FRMD5: variants seen among roughly 807,000 people sequenced by gnomAD.
FRMD5 encodes FERM domain containing 5, also known as FERM domain-containing protein 5.
A neutral mutation model predicts 69.0 loss-of-function variants in FRMD5; 20 were observed. That is an observed-to-expected ratio of 0.29 (90% CI 0.20 to 0.42). The LOEUF (loss-of-function observed/expected upper bound fraction) is 0.42, where lower values mean the gene tolerates loss of function less well. FRMD5 is among the 10% of genes least tolerant of loss of function. The pLI is 1.00. For missense variants in FRMD5, 595 were observed against 708.6 expected, an observed-to-expected ratio of 0.84 and a Z score of 1.82; for synonymous variants, 271 against 260.1, an observed-to-expected ratio of 1.04 and a Z score of -0.40.
chr15:44,012,765 T>G (rs529744380), intron 1 of FRMD5, among the ~76,000 whole-genome samples: 1 of 142,726 alleles, frequency 7.0e-6, no homozygotes, highest in South Asian at 2.2e-4. Context: ...TATTGGGTTT[T>G]TTTTTTTTTT....
At chr15:43,899,891 C>T (rs992366693) in intron 7 of FRMD5, among the ~76,000 whole-genome samples, 2 of 152,174 alleles carry the variant, frequency 1.3e-5, no homozygotes, top group African/African-American at 2.4e-5. Context: ...TCCAGAATCC[C>T]GTGGGCAACG....
chr15:44,052,219 T>C (rs191730578), intron 1 of FRMD5, among the ~76,000 whole-genome samples: 51 of 152,348 alleles, frequency 3.3e-4, no homozygotes, highest in African/African-American at 1.2e-3. Context: ...ATATTGGTTT[T>C]ATACTTTGGG....
intron 1 of FRMD5, among the ~76,000 whole-genome samples, chr15:43,955,395 C>G (rs2090098436): frequency 6.6e-6 from 1 of 152,216 alleles, no homozygotes; most frequent in Admixed American, 6.5e-5. Context: ...CCTGCTCTCT[C>G]AGGCTTAAAA....
intron 1 of FRMD5, among the ~76,000 whole-genome samples, chr15:43,974,725 G>C (rs1286645652): frequency 6.6e-6 from 1 of 152,198 alleles, no homozygotes; most frequent in East Asian, 1.9e-4. Context: ...TATTCTGAAA[G>C]ATACAACCAG....
At chr15:44,163,882 T>C (rs2077663444) in intron 1 of FRMD5, among the ~76,000 whole-genome samples, 1 of 152,186 alleles carries the variant, frequency 6.6e-6, no homozygotes, top group Non-Finnish European at 1.5e-5. Flanking sequence ...CCCTGAATGT[T>C]GCCTAGTCAA....
chr15:43,916,324 C>G (rs1204426677), intron 4 of FRMD5, among the ~76,000 whole-genome samples: 1 of 152,166 alleles, frequency 6.6e-6, no homozygotes, highest in Non-Finnish European at 1.5e-5. Flanking sequence ...TTTTAGGATT[C>G]TAGCTGGTGG....
At chr15:43,945,199 C>A (rs2089925996) in intron 1 of FRMD5, among the ~76,000 whole-genome samples, 1 of 152,194 alleles carries the variant, frequency 6.6e-6, no homozygotes, top group African/African-American at 2.4e-5. Flanking sequence ...AGACCCTACA[C>A]TACCCTGCCT....
At chr15:44,042,629 C>T (rs1316613811) in intron 1 of FRMD5, among the ~76,000 whole-genome samples, 2 of 152,176 alleles carry the variant, frequency 1.3e-5, no homozygotes, top group African/African-American at 2.4e-5. Flanking sequence ...TCAACATACG[C>T]AAATCAATAA....
rs184298507 is a variant in FRMD5, at chr15:44,129,904, A to C, written c.102+65049T>G. ...TTCTGGCAAGGAACAAATGAGCCCC[A>C]GGCAAAGCACATGGGTCAGCAAACT... On this transcript the variant is annotated intron_variant, in intron 1 of 13. Coordinates refer to ENST00000417257, the MANE Select transcript of FRMD5 (RefSeq NM_032892.5). 1.3e-4 allele frequency among the ~76,000 whole-genome samples: 20 copies of C among 152,320 alleles called. No homozygotes were observed. The East Asian group carries it at 3.9e-3, about 29-fold the overall frequency.
chr15:44,069,880 T>C (rs1379289545), intron 1 of FRMD5, among the ~76,000 whole-genome samples: 2 of 152,134 alleles, frequency 1.3e-5, no homozygotes, highest in Non-Finnish European at 2.9e-5. Flanking sequence ...ATTATCTCAG[T>C]TTAATTTTTA....
chr15:43,908,720 G>A (rs1286018622), intron 5 of FRMD5, among the ~76,000 whole-genome samples: 1 of 152,162 alleles, frequency 6.6e-6, no homozygotes, highest in East Asian at 1.9e-4. Context: ...CGTGTGTGAA[G>A]AGTGCATATC....
At chr15:43,951,839 CT>C (rs200950848) in intron 1 of FRMD5, among the ~76,000 whole-genome samples, 1,962 of 152,304 alleles carry the variant, frequency 0.013, 20 homozygotes, top group Non-Finnish European at 0.021. Flanking sequence ...TGCTACTTTT[CT>C]GAAAATGAAC....
intron 1 of FRMD5, among the ~76,000 whole-genome samples, chr15:44,076,698 C>T (rs1893785135): frequency 6.7e-6 from 1 of 149,136 alleles, no homozygotes; most frequent in Non-Finnish European, 1.5e-5. Context: ...GGGTGCAGTG[C>T]ACCAGCATGG....
intron 1 of FRMD5, among the ~76,000 whole-genome samples, chr15:44,043,442 AC>A: frequency 6.6e-6 from 1 of 152,318 alleles, no homozygotes; most frequent in South Asian, 2.1e-4. Flanking sequence ...TTCATATGGA[AC>A]CAAAAAAGAG....
intron 1 of FRMD5, among the ~76,000 whole-genome samples, chr15:44,032,022 G>C (rs962695461): frequency 2.0e-5 from 3 of 152,070 alleles, no homozygotes; most frequent in African/African-American, 7.2e-5. Context: ...CAATGGAACA[G>C]AATAGAGAGC....
chr15:43,874,206 G>A lies in FRMD5; in HGVS notation c.1392C>T (p.Ala464=). Residue 464 remains alanine (A), a synonymous_variant, in exon 14 of 14, where the codon GCC becomes GCT. Coordinates refer to ENST00000417257, the MANE Select transcript of FRMD5 (RefSeq NM_032892.5). ...CCACCTCTGTAGCAGTTGGGGTGCT[G>A]GCTTCAGATTCCTTCTCCTCCTCAA... ...CSIEEEKESE[A]STPTATEVEA... is the part of the protein sequence containing the mutation. The A allele has an allele frequency of 6.2e-7, 1 of 1,614,228 alleles. No homozygotes were observed. The highest frequency in any genetic ancestry group is 8.5e-7 in the Non-Finnish European group (1 of 1,180,040).
rs139581490 is a variant in FRMD5 at position 44,041,816 on chromosome 15, C to G, written c.103-117507G>C. ...GGAAATTTATAGGACTAGATGCCCA[C>G]AAGAGAAAGCAGGAAAGATCTAAAA... On this transcript the variant is annotated intron_variant, in intron 1 of 13. Transcript: ENST00000417257. 1.2e-3 allele frequency among the ~76,000 whole-genome samples: 183 copies of G among 152,214 alleles called. 5 individuals carry two copies. The East Asian group carries it at 0.031, about 26-fold the overall frequency.
intron 1 of FRMD5, among the ~76,000 whole-genome samples, chr15:44,164,241 C>T (rs2077670691): frequency 6.6e-6 from 1 of 152,188 alleles, no homozygotes; most frequent in African/African-American, 2.4e-5. Flanking sequence ...GAAATTCCCC[C>T]TACTTGATCA....
chr15:44,088,110 G>T (rs1201101900), intron 1 of FRMD5, among the ~76,000 whole-genome samples: 3 of 152,118 alleles, frequency 2.0e-5, no homozygotes, highest in African/African-American at 7.2e-5. Flanking sequence ...TTACATTCTA[G>T]TTGAGATAGG....
Sources: allele counts gnomAD v4.1 joint callset (sites outside exome capture counted in the v4.1 genomes callset), GRCh38; gene constraint gnomAD v4.1.1; transcripts MANE v1.5; gene names NCBI Gene and HGNC (gene_info 2026-07-23, HGNC 2026-07-21).